The following NUP35 variants were observed in gnomAD, a reference collection of about 807,000 sequenced individuals.
NUP35 encodes nucleoporin 35.
NUP35 carries 25 observed loss-of-function variants against 41.5 expected under a neutral mutation model. That is an observed-to-expected ratio of 0.60 (90% CI 0.44 to 0.84). The LOEUF (loss-of-function observed/expected upper bound fraction) is 0.84, where lower values mean the gene tolerates loss of function less well. Among genes scored for constraint, NUP35 ranks in the 40% least tolerant of loss-of-function variants. NUP35 has a pLI of 0.00. For missense variants in NUP35, 396 were observed against 396.6 expected (o/e 1.00, Z 0.01); for synonymous variants, 149 against 130.7 (o/e 1.14, Z -0.96).
At chr2:183,126,641 TG>T (rs1277566351) in intron 1 of NUP35, among the ~76,000 whole-genome samples, 4 of 107,704 alleles carry the variant, frequency 3.7e-5, no homozygotes, top group Non-Finnish European at 5.8e-5. Flanking sequence ...TTATTGAATT[TG>T]TTTTTTTTTT....
chr2:183,117,791 T>C (rs546690023), intron 1 of NUP35, among the ~76,000 whole-genome samples: 1 of 152,308 alleles, frequency 6.6e-6, no homozygotes, highest in South Asian at 2.1e-4. Context: ...ATTCAGTATA[T>C]ATGATAGATA....
chr2:183,138,269 A>ATATATATATATATATATATAT, intron 4 of NUP35, among the ~76,000 whole-genome samples: 6 of 80,686 alleles, frequency 7.4e-5, no homozygotes, highest in African/African-American at 3.7e-4. Flanking sequence ...ATATATATAT[A>ATATATATATATATATATATAT]TTTTTTTTTT....
chr2:183,131,065 G>A, intron 3 of NUP35: 1 of 465,078 alleles, frequency 2.2e-6, no homozygotes, highest in East Asian at 7.0e-5. Flanking sequence ...CTGCAGCCTT[G>A]AACTCCTGGG....
At chr2:183,137,907 A>G (rs1342571043) in intron 4 of NUP35, among the ~76,000 whole-genome samples, 1 of 152,094 alleles carries the variant, frequency 6.6e-6, no homozygotes, top group Non-Finnish European at 1.5e-5. Flanking sequence ...AGAAAAGCGC[A>G]TGATTAATGT....
At chr2:183,138,254 T>TAC (rs1262726400) in intron 4 of NUP35, among the ~76,000 whole-genome samples, 35 of 45,708 alleles carry the variant, frequency 7.7e-4, no homozygotes, top group African/African-American at 4.0e-3. Context: ...GCTATATATA[T>TAC]ATATATATAT....
At chr2:183,157,866 C>T (rs886932456) in intron 6 of NUP35, among the ~76,000 whole-genome samples, 5 of 152,012 alleles carry the variant, frequency 3.3e-5, no homozygotes, top group African/African-American at 1.2e-4. Context: ...AGTTCCTGAG[C>T]TTTTAGAGTT....
chr2:183,130,559 C>T lies in NUP35; in HGVS notation c.339+14C>T, dbSNP rs774696305. 1.2e-6 allele frequency: 2 copies of T among 1,609,442 alleles called. No individual in the cohort carries two copies. Among genetic ancestry groups the T allele is most frequent in the African/African-American group, 1.3e-5 (1 of 74,592 alleles). ...TCAAGAAGACAGGTAATATAAATAC[C>T]CTTTTGATCCCCAATGAACAACATC... On this transcript the variant is annotated intron_variant, in intron 3 of 8. Transcript: ENST00000295119.
At chr2:183,121,018 T>A (rs1236476134), upstream of NUP35, among the ~76,000 whole-genome samples, 1 of 152,128 alleles carries the variant, frequency 6.6e-6, no homozygotes, top group African/African-American at 2.4e-5. Context: ...GGCTTGAACA[T>A]CAATAATATT....
intron 3 of NUP35, chr2:183,131,122 G>C (rs563363101): frequency 6.9e-5 from 20 of 288,992 alleles, no homozygotes; most frequent in Non-Finnish European, 1.4e-4. Context: ...ATATAGGCAC[G>C]TGCTGCTATG....
chr2:183,124,164 C>A (rs1700109424), upstream of NUP35, among the ~76,000 whole-genome samples: 1 of 152,182 alleles, frequency 6.6e-6, no homozygotes, highest in Admixed American at 6.5e-5. Flanking sequence ...ATAATCTGTG[C>A]TTCTATGTAA....
At chr2:183,120,688 C>A (rs1700055442), upstream of NUP35, among the ~76,000 whole-genome samples, 1 of 152,086 alleles carries the variant, frequency 6.6e-6, no homozygotes, top group African/African-American at 2.4e-5. Context: ...ACAATATAAT[C>A]TAGAAATCAA....
chr2:183,160,848 C>T (rs6714769), intron 8 of NUP35: 197,049 of 359,616 alleles, frequency 0.55, 56,510 homozygotes, highest in East Asian at 0.76. Context: ...TTTGGCAGGC[C>T]GAGGCGGGCG....
intron 4 of NUP35, among the ~76,000 whole-genome samples, chr2:183,139,844 T>G (rs1006142): frequency 0.83 from 126,457 of 151,806 alleles, 53,232 homozygotes; most frequent in African/African-American, 0.93. Context: ...TGGGCCTCCA[T>G]AATTTGTGAG....
At chr2:183,154,436 T>A (rs964493154) in intron 5 of NUP35, among the ~76,000 whole-genome samples, 1 of 152,212 alleles carries the variant, frequency 6.6e-6, no homozygotes, top group African/African-American at 2.4e-5. Context: ...TTTGAATGCT[T>A]TGCTGCTTAG....
At chr2:183,136,129 A>G (rs188171549) in intron 4 of NUP35, among the ~76,000 whole-genome samples, 1 of 152,296 alleles carries the variant, frequency 6.6e-6, no homozygotes, top group Non-Finnish European at 1.5e-5. Flanking sequence ...TTCTATCACG[A>G]TGCTCAGAAT....
At chr2:183,121,409 G>A (rs1345581144), upstream of NUP35, among the ~76,000 whole-genome samples, 2 of 152,194 alleles carry the variant, frequency 1.3e-5, no homozygotes, top group East Asian at 3.8e-4. Context: ...GCAAGGCCTA[G>A]GGAGGGTTTC....
chr2:183,122,767 A>G (rs1700088027), upstream of NUP35, among the ~76,000 whole-genome samples: 1 of 152,198 alleles, frequency 6.6e-6, no homozygotes, highest in African/African-American at 2.4e-5. Flanking sequence ...CAATGTGTGT[A>G]GAAATTTATA....
chr2:183,133,290 ATAGT>A (rs2105554702), intron 3 of NUP35, among the ~76,000 whole-genome samples: 1 of 151,584 alleles, frequency 6.6e-6, no homozygotes, highest in African/African-American at 2.4e-5. Flanking sequence ...CTAAAAACAA[ATAGT>A]TAACATGTCA....
At chr2:183,134,725 C>T (rs1303226982) in intron 4 of NUP35, among the ~76,000 whole-genome samples, 1 of 151,798 alleles carries the variant, frequency 6.6e-6, no homozygotes, top group Non-Finnish European at 1.5e-5. Flanking sequence ...AAGTGATTCT[C>T]CTGCCTCAGC....
Sources: gnomAD v4.1 joint callset for allele counts (sites outside exome capture counted in the v4.1 genomes callset) on GRCh38, gnomAD v4.1.1 for gene constraint, MANE v1.5 for transcripts, NCBI Gene and HGNC (gene_info 2026-07-23, HGNC 2026-07-21) for gene names.